Variants in MASP1 observed in about 807,000 individuals in gnomAD.
MASP1 encodes MBL associated serine protease 1.
A neutral mutation model predicts 77.1 loss-of-function variants in MASP1; 59 were observed. The observed-to-expected ratio is 0.77, with a 90% CI of 0.62 to 0.95. The LOEUF is 0.95. MASP1 is among the 40% of genes least tolerant of loss of function. The pLI is 0.00. For missense variants in MASP1, 885 were observed against 912.9 expected, an observed-to-expected ratio of 0.97 and a Z score of 0.39; for synonymous variants, 362 against 354.5, an observed-to-expected ratio of 1.02 and a Z score of -0.24.
At chr3:187,253,859 G>A (rs2108546037) in intron 5 of MASP1, among the ~76,000 whole-genome samples, 1 of 152,222 alleles carries the variant, frequency 6.6e-6, no homozygotes, top group Middle Eastern at 3.4e-3. Context: ...GGCAAGGGGA[G>A]GGAGTGCATT....
chr3:187,286,923 G>T (rs1717909421), intron 1 of MASP1, among the ~76,000 whole-genome samples: 1 of 152,114 alleles, frequency 6.6e-6, no homozygotes, highest in South Asian at 2.1e-4. Flanking sequence ...CAGTTCCCTG[G>T]CCTGAACTTT....
At chr3:187,285,134 A>G (rs1717742250) in intron 2 of MASP1, among the ~76,000 whole-genome samples, 1 of 141,378 alleles carries the variant, frequency 7.1e-6, no homozygotes, top group African/African-American at 2.7e-5. Flanking sequence ...CTTTAAAAGA[A>G]GAACAGCTTC....
rs756618898 is a variant in MASP1 at position 187,250,271 on chromosome 3, T to C, written c.1070A>G (p.Asn357Ser). 6 of 1,613,898 alleles carry C rather than the reference T, an allele frequency of 3.7e-6. No individual in the cohort carries two copies. The highest frequency in any genetic ancestry group is 5.1e-6 in the Non-Finnish European group (6 of 1,179,772). Residue 357 changes from asparagine (N) to serine (S), a missense_variant, in exon 8 of 11, where the codon AAC (asparagine) becomes AGC (serine). Asn to Ser is a conservative substitution (Grantham distance 46). Coordinates refer to ENST00000296280, the MANE Select transcript of MASP1 (RefSeq NM_139125.4). ...IECLKDGTWS[N>S]KIPTCKIVDC... ...CTTACTTTTACAGGTGGGAATCTTG[T>C]TACTCCACGTCCCATCCTTCAGACA...
At chr3:187,277,070 G>T (rs1474330299) in intron 2 of MASP1, among the ~76,000 whole-genome samples, 1 of 152,156 alleles carries the variant, frequency 6.6e-6, no homozygotes, top group East Asian at 1.9e-4. Context: ...ATTGGACTGG[G>T]AGTCACAGAC....
chr3:187,284,161 C>T (rs1420070773), intron 2 of MASP1, among the ~76,000 whole-genome samples: 1 of 152,164 alleles, frequency 6.6e-6, no homozygotes, highest in African/African-American at 2.4e-5. Context: ...GTCTTTATTG[C>T]CATCACTGTT....
At chr3:187,271,973 T>G (rs989265377) in intron 2 of MASP1, among the ~76,000 whole-genome samples, 4 of 152,218 alleles carry the variant, frequency 2.6e-5, no homozygotes, top group Non-Finnish European at 5.9e-5. Flanking sequence ...AGTAAAATTC[T>G]GAGAAAATAT....
chr3:187,286,130 G>A, intron 1 of MASP1, 74 bp from the exon 2 acceptor site: 1 of 1,207,096 alleles, frequency 8.3e-7, no homozygotes, highest in Non-Finnish European at 1.2e-6. Flanking sequence ...TCACAGCCAG[G>A]AGAACAAGAT....
rs140491860 is a variant in MASP1, at chr3:187,221,124, G to A, written c.1820C>T (p.Pro607Leu). ...CTGGCAGGTGCTGTGGTCAACAATC[G>A]GGATTTCAATCTAGAACACAAAGCT... Residue 607 changes from proline (P) to leucine (L), a missense_variant, in exon 15 of 16, where the codon CCG becomes CTG. Coordinates refer to the MASP1 transcript ENST00000337774. 1.1e-4 allele frequency: 172 copies of A among 1,613,580 alleles called. No homozygotes were observed. The highest frequency in any genetic ancestry group is 5.8e-4 in the Admixed American group (35 of 59,990).
intron 5 of MASP1, among the ~76,000 whole-genome samples, chr3:187,255,414 A>C (rs1311663040): frequency 6.6e-6 from 1 of 152,220 alleles, no homozygotes; most frequent in Admixed American, 6.5e-5. Context: ...TCTTCTCCAG[A>C]GCCTCTAGAT....
chr3:187,232,061 C>T (rs755367672), downstream of MASP1, among the ~76,000 whole-genome samples: 1 of 152,124 alleles, frequency 6.6e-6, no homozygotes, highest in Non-Finnish European at 1.5e-5. Context: ...CTGCATACCC[C>T]TCAGGGATGA....
chr3:187,262,221 T>C (rs935780598), intron 3 of MASP1, among the ~76,000 whole-genome samples: 6 of 152,216 alleles, frequency 3.9e-5, no homozygotes, highest in African/African-American at 1.2e-4. Flanking sequence ...ATATTCCATT[T>C]TATGTCAATT....
intron 2 of MASP1, among the ~76,000 whole-genome samples, chr3:187,264,023 C>T (rs1361146429): frequency 6.6e-6 from 1 of 152,208 alleles, no homozygotes; most frequent in East Asian, 1.9e-4. Flanking sequence ...TGCTGCCTTT[C>T]AAAGTCATTA....
chr3:187,220,085 C>A lies in MASP1; in HGVS notation c.2086G>T (p.Gly696Ter). The stretch of plus-strand genomic sequence containing the variant: ...AGGAGCCAAATTCAGTTCCTCACTC[C>A]GGTGACCCTCTGGATCCAGTCCTTG... The change falls in exon 16 of 16, where the codon GGA becomes TGA. Residue 696 changes from glycine (G) to a stop codon, truncating the protein, a stop_gained. Coordinates refer to the MASP1 transcript ENST00000337774. LOFTEE classifies it high-confidence loss of function. 1 of 1,613,708 alleles carries A rather than the reference C, an allele frequency of 6.2e-7. No individual in the cohort carries two copies. The highest frequency in any genetic ancestry group is 8.5e-7 in the Non-Finnish European group (1 of 1,180,026).
At chr3:187,261,375 C>T (rs1163863076) in intron 3 of MASP1, among the ~76,000 whole-genome samples, 1 of 152,204 alleles carries the variant, frequency 6.6e-6, no homozygotes, top group African/African-American at 2.4e-5. Context: ...CTCTTTCTTT[C>T]TTTCTGCCCC....
downstream of MASP1, among the ~76,000 whole-genome samples, chr3:187,231,418 T>A (rs1712756262): frequency 6.6e-6 from 1 of 152,200 alleles, no homozygotes; most frequent in South Asian, 2.1e-4. Context: ...AAAAGACGAG[T>A]TGACACTCCT....
intron 8 of MASP1, among the ~76,000 whole-genome samples, chr3:187,248,419 A>G (rs1290040480): frequency 6.6e-6 from 1 of 152,164 alleles, no homozygotes; most frequent in African/African-American, 2.4e-5. Context: ...TGAGGGCAGG[A>G]AACTGAGGCC....
rs369665021 is a variant in MASP1 at position 187,260,889 on chromosome 3, G to T, written c.416-17C>A. 2.5e-6 allele frequency: 4 copies of T among 1,614,016 alleles called. No individual in the cohort carries two copies. In the South Asian group the frequency reaches 4.4e-5, roughly 18 times the overall value. ...CGTCCACATCTGTAGGGCAGGTAAA[G>T]CCTCTCCATCAATACATGCATGATG... On this transcript the variant is annotated splice_polypyrimidine_tract_variant and intron_variant, in intron 3 of 10. Transcript: ENST00000296280.
chr3:187,257,887 G>C (rs1475006070), intron 4 of MASP1, among the ~76,000 whole-genome samples: 1 of 152,052 alleles, frequency 6.6e-6, no homozygotes, highest in Non-Finnish European at 1.5e-5. Flanking sequence ...ATGATGGAGT[G>C]GTAGGTTAGA....
intron 1 of MASP1, among the ~76,000 whole-genome samples, chr3:187,289,133 C>A (rs1718094649): frequency 6.6e-6 from 1 of 151,958 alleles, no homozygotes; most frequent in Non-Finnish European, 1.5e-5. Flanking sequence ...AGCTACATTG[C>A]AGAAATGTCA....
Sources: allele counts gnomAD v4.1 joint callset (sites outside exome capture counted in the v4.1 genomes callset), GRCh38; gene constraint gnomAD v4.1.1; transcripts MANE v1.5; gene names NCBI Gene and HGNC (gene_info 2026-07-23, HGNC 2026-07-21).